MTMR7: variants seen among roughly 807,000 people sequenced by gnomAD.
The protein encoded by MTMR7 is phosphatidylinositol-3-phosphate phosphatase MTMR7.
A neutral mutation model predicts 81.2 loss-of-function variants in MTMR7; 76 were observed. The ratio of observed to expected loss-of-function variants is 0.94; its 90% CI spans 0.78 to 1.13. The LOEUF (loss-of-function observed/expected upper bound fraction) is 1.13. MTMR7 is among the 50% of genes most tolerant of loss of function. The probability of loss-of-function intolerance (pLI) is 0.00; values close to 1 mark genes in which losing one functional copy is unlikely to be tolerated. For synonymous variants in MTMR7, 372 were observed against 289.8 expected (o/e 1.28, Z -2.88); for missense variants, 1,044 against 820.0 (o/e 1.27, Z -3.34).
chr8:17,358,250 GAGAA>G, intron 4 of MTMR7, among the ~76,000 whole-genome samples: 1 of 152,216 alleles, frequency 6.6e-6, no homozygotes, highest in East Asian at 1.9e-4. Flanking sequence ...CTCTGACAAA[GAGAA>G]AGAAACAGTG....
intron 4 of MTMR7, among the ~76,000 whole-genome samples, chr8:17,360,515 C>G (rs1411101869): frequency 6.7e-6 from 1 of 149,860 alleles, no homozygotes; most frequent in Non-Finnish European, 1.5e-5. Context: ...CTAGGATGTT[C>G]TCACATTACT....
chr8:17,383,164 C>G (rs982274732), intron 1 of MTMR7, among the ~76,000 whole-genome samples: 32 of 152,074 alleles, frequency 2.1e-4, no homozygotes, highest in African/African-American at 7.7e-4. Flanking sequence ...TCAGTTTTAC[C>G]TTTAAACAGT....
Position 17,373,188 on chromosome 8 carries a change from C to T in MTMR7, c.77G>A (p.Gly26Asp). Residue 26 changes from glycine (G) to aspartate (D), a missense_variant, in exon 2 of 14, where the codon GGT becomes GAT. Gly to Asp is a moderately conservative substitution (Grantham distance 94). Coordinates refer to ENST00000180173, the MANE Select transcript of MTMR7 (RefSeq NM_004686.5). Reference sequence around the variant, plus strand: ...ATGGGTAGCCGTCAAATACAAAGTACCTAGAGCTGCTTTTTTAGGAGACAC... The same window carrying T: ...ATGGGTAGCCGTCAAATACAAAGTATCTAGAGCTGCTTTTTTAGGAGACAC... ...DRVSPKKAAL[G>D]TLYLTATHVI... The T allele has an allele frequency of 6.2e-7, 1 of 1,613,682 alleles. No homozygotes were observed. The highest frequency in any genetic ancestry group is 8.5e-7 in the Non-Finnish European group (1 of 1,179,686).
chr8:17,311,774 G>GC (rs1312173249), intron 8 of MTMR7, 138 bp from the exon 9 acceptor site: 57 of 1,363,920 alleles, frequency 4.2e-5, no homozygotes, highest in Non-Finnish European at 4.4e-5. Context: ...TCTGTTTAGG[G>GC]CCCCCCCTAA....
chr8:17,300,251 G>GA (rs1180199414), intron 13 of MTMR7, 27 bp from the exon 14 acceptor site: 1 of 1,578,732 alleles, frequency 6.3e-7, no homozygotes, highest in Non-Finnish European at 8.6e-7. Context: ...AATTTCAGGG[G>GA]AAAAATCATA....
rs1167509352 is a variant in MTMR7 at position 17,297,894 on chromosome 8, G to A, written c.*1968C>T. On this transcript the variant is annotated 3_prime_UTR_variant, in exon 14 of 14. Transcript: ENST00000180173. ...TTACATAAATTATAATGTCTGTCTTGTAAAAAAGTTGAGGGGACTAAAAGT... is the reference window on the plus strand; with the variant it reads ...TTACATAAATTATAATGTCTGTCTTATAAAAAAGTTGAGGGGACTAAAAGT... 1 of 152,000 alleles carries A rather than the reference G, an allele frequency of 6.6e-6. No individual in the cohort carries two copies. The highest frequency in any genetic ancestry group is 6.6e-5 in the Admixed American group (1 of 15,260). The allele number at this position is 152,000 out of a possible 1,614,324, so 9.4% of individuals were successfully genotyped here.
intron 6 of MTMR7, 64 bp downstream of exon 6, chr8:17,341,299 C>T (rs1477679933): frequency 6.3e-7 from 1 of 1,596,748 alleles, no homozygotes; most frequent in Non-Finnish European, 8.6e-7. Flanking sequence ...AGTCGGCTAG[C>T]CTTTGCCTGT....
intron 1 of MTMR7, among the ~76,000 whole-genome samples, chr8:17,409,700 G>A (rs1034913207): frequency 1.3e-5 from 2 of 152,144 alleles, no homozygotes; most frequent in Non-Finnish European, 2.9e-5. Flanking sequence ...AACCTAAGGG[G>A]AAAACACAAG....
At position 17,299,766 on chromosome 8, in the gene MTMR7, T is replaced by C; in HGVS notation, c.*96A>G. The C allele has an allele frequency of 6.6e-7, 1 of 1,513,198 alleles. No homozygotes were observed. Among genetic ancestry groups the C allele is most frequent in the African/African-American group, 1.4e-5 (1 of 71,962 alleles). The allele number at this position is 1,513,198 out of a possible 1,614,324, so 93.7% of individuals were successfully genotyped here. A position where few individuals can be genotyped will look rare whatever the true frequency, so the allele number is the denominator to read the frequency against. ...TGCATTAAAGTAGTTCTCAATGACA[T>C]GCACCATTTCCTGTTTTTACAATAA... is the stretch of plus-strand genomic sequence containing the variant. On this transcript the variant is annotated 3_prime_UTR_variant, in exon 14 of 14. Transcript: ENST00000180173.
At chr8:17,370,892 C>T in intron 3 of MTMR7, 145 bp downstream of exon 3, 1 of 690,930 alleles carries the variant, frequency 1.4e-6, no homozygotes, top group Non-Finnish European at 2.2e-6. Flanking sequence ...ATCAGATGAT[C>T]ATTCGGGCTT....
At chr8:17,350,983 C>T (rs1819712548) in intron 4 of MTMR7, among the ~76,000 whole-genome samples, 1 of 152,192 alleles carries the variant, frequency 6.6e-6, no homozygotes, top group South Asian at 2.1e-4. Flanking sequence ...GCTGGGAAGA[C>T]TGCCATAAAA....
intron 3 of MTMR7, among the ~76,000 whole-genome samples, chr8:17,364,021 ATTTTTTTT>A (rs36217265): frequency 2.8e-5 from 2 of 71,056 alleles, no homozygotes; most frequent in African/African-American, 4.7e-5. Flanking sequence ...TGTTGCTATT[ATTTTTTTT>A]TTTTTTTTTT....
At chr8:17,304,585 A>T in intron 11 of MTMR7, 66 bp from the exon 12 acceptor site, 1 of 1,514,508 alleles carries the variant, frequency 6.6e-7, no homozygotes, top group East Asian at 2.3e-5. Context: ...GATATGTTAT[A>T]TTAATGCTGG....
intron 1 of MTMR7, 31 bp downstream of exon 1, chr8:17,413,237 GT>G (rs1821785911): frequency 1.3e-6 from 2 of 1,546,428 alleles, no homozygotes; most frequent in Admixed American, 3.9e-5. Flanking sequence ...ATCTCCTCCC[GT>G]CCCTCCTCCG....
intron 1 of MTMR7, among the ~76,000 whole-genome samples, chr8:17,392,658 C>T (rs886439498): frequency 6.6e-6 from 1 of 152,152 alleles, no homozygotes; most frequent in African/African-American, 2.4e-5. Context: ...ATGTGTTTGA[C>T]GAGATCAATG....
At chr8:17,390,323 T>C (rs1585116255) in intron 1 of MTMR7, among the ~76,000 whole-genome samples, 1 of 150,380 alleles carries the variant, frequency 6.6e-6, no homozygotes, top group Admixed American at 6.7e-5. Flanking sequence ...AGGGAGGAGG[T>C]GCCACACTCT....
At chr8:17,360,580 C>A (rs1208912132) in intron 4 of MTMR7, among the ~76,000 whole-genome samples, 1 of 151,774 alleles carries the variant, frequency 6.6e-6, no homozygotes, top group Non-Finnish European at 1.5e-5. Flanking sequence ...ATCTGTAAGC[C>A]TGTCATTAAG....
intron 1 of MTMR7, among the ~76,000 whole-genome samples, chr8:17,386,733 G>T (rs1820954847): frequency 6.6e-6 from 1 of 152,188 alleles, no homozygotes; most frequent in South Asian, 2.1e-4. Flanking sequence ...CCCAAGCCAA[G>T]TATCACTGCA....
chr8:17,316,684 G>A (rs1222231314), intron 7 of MTMR7, among the ~76,000 whole-genome samples: 1 of 151,976 alleles, frequency 6.6e-6, no homozygotes, highest in African/African-American at 2.4e-5. Flanking sequence ...AAAAAATAAT[G>A]GTAATAGAAA....
Sources: allele counts gnomAD v4.1 joint callset (sites outside exome capture counted in the v4.1 genomes callset), GRCh38; gene constraint gnomAD v4.1.1; transcripts MANE v1.5; gene names NCBI Gene and HGNC (gene_info 2026-07-23, HGNC 2026-07-21).